NEK11: variants seen among roughly 807,000 people sequenced by gnomAD.
NEK11 encodes NIMA related kinase 11.
A neutral mutation model predicts 80.7 loss-of-function variants in NEK11; 72 were observed. The observed-to-expected ratio is 0.89, with a 90% confidence interval of 0.74 to 1.08. NEK11 has a LOEUF of 1.08. Among genes scored for constraint, NEK11 ranks in the 50% least tolerant of loss-of-function variants. The probability of loss-of-function intolerance (pLI) is 0.00; values close to 1 mark genes in which losing one functional copy is unlikely to be tolerated. For synonymous variants in NEK11, 251 were observed against 260.7 expected, an observed-to-expected ratio of 0.96 and a Z score of 0.36; for missense variants, 764 against 763.6, an observed-to-expected ratio of 1.00 and a Z score of -0.01.
At chr3:131,153,534 A>T (rs1338181759) in intron 9 of NEK11, among the ~76,000 whole-genome samples, 1 of 152,128 alleles carries the variant, frequency 6.6e-6, no homozygotes, top group African/African-American at 2.4e-5. Context: ...AGGGTTTTAC[A>T]ATACAGGTCC....
intron 3 of NEK11, chr3:131,053,819 G>C (rs1298519609): frequency 6.6e-6 from 1 of 152,104 alleles, no homozygotes; most frequent in Non-Finnish European, 1.5e-5. Flanking sequence ...GTGTAACACA[G>C]GACAACAAAA....
intron 17 of NEK11, among the ~76,000 whole-genome samples, chr3:131,326,864 A>C (rs1474281400): frequency 6.6e-6 from 1 of 152,216 alleles, no homozygotes; most frequent in African/African-American, 2.4e-5. Context: ...AAGAGATGAG[A>C]TTTTGGGAAA....
At chr3:131,211,440 T>C (rs1560993277) in intron 14 of NEK11, among the ~76,000 whole-genome samples, 2 of 152,230 alleles carry the variant, frequency 1.3e-5, no homozygotes, top group Non-Finnish European at 2.9e-5. Context: ...CTGACAATTA[T>C]GTGTCTTGGG....
At chr3:131,247,276 A>G (rs1414651042) in intron 16 of NEK11, among the ~76,000 whole-genome samples, 1 of 152,098 alleles carries the variant, frequency 6.6e-6, no homozygotes, top group Admixed American at 6.6e-5. Flanking sequence ...TCTTTGATCC[A>G]TCTTCAGTTG....
At chr3:131,096,544 A>G (rs927315571) in intron 4 of NEK11, among the ~76,000 whole-genome samples, 1 of 152,126 alleles carries the variant, frequency 6.6e-6, no homozygotes, top group Non-Finnish European at 1.5e-5. Flanking sequence ...GTATATTCAC[A>G]GTAATGAGAT....
intron 14 of NEK11, among the ~76,000 whole-genome samples, chr3:131,210,577 A>G (rs1268759487): frequency 6.6e-6 from 1 of 152,164 alleles, no homozygotes. Flanking sequence ...GTGGGGTGTT[A>G]AAGTCTCCCA....
chr3:131,210,059 C>A (rs930315784), intron 14 of NEK11, among the ~76,000 whole-genome samples: 1 of 152,124 alleles, frequency 6.6e-6, no homozygotes, highest in Non-Finnish European at 1.5e-5. Context: ...TTCTCTAGTT[C>A]TTTTAATTGT....
At chr3:131,315,347 C>T (rs1186854557) in intron 17 of NEK11, among the ~76,000 whole-genome samples, 1 of 151,982 alleles carries the variant, frequency 6.6e-6, no homozygotes, top group Non-Finnish European at 1.5e-5. Context: ...TTTTTAGATT[C>T]CGATCATGCA....
At chr3:131,246,801 G>A (rs2095609643) in intron 16 of NEK11, among the ~76,000 whole-genome samples, 1 of 151,942 alleles carries the variant, frequency 6.6e-6, no homozygotes, top group Admixed American at 6.6e-5. Context: ...TAAAATTATG[G>A]CCATTTTTGC....
At chr3:131,203,003 T>C (rs1580097659) in intron 14 of NEK11, among the ~76,000 whole-genome samples, 1 of 54,272 alleles carries the variant, frequency 1.8e-5, no homozygotes, top group African/African-American at 3.3e-5. Flanking sequence ...AGTTCAACCA[T>C]TGTGGAAGGC....
intron 14 of NEK11, among the ~76,000 whole-genome samples, chr3:131,216,921 T>C (rs900075392): frequency 2.0e-5 from 3 of 152,178 alleles, no homozygotes; most frequent in Non-Finnish European, 4.4e-5. Flanking sequence ...ATTTGGCATG[T>C]GGAGTAACAG....
At chr3:131,152,106 A>T (rs1295821590) in intron 7 of NEK11, among the ~76,000 whole-genome samples, 2 of 152,138 alleles carry the variant, frequency 1.3e-5, no homozygotes, top group African/African-American at 2.4e-5. Context: ...AATTCTTACT[A>T]TGTGCAGGCA....
chr3:131,094,657 A>G (rs1475092363), intron 4 of NEK11, among the ~76,000 whole-genome samples: 1 of 152,210 alleles, frequency 6.6e-6, no homozygotes, highest in East Asian at 1.9e-4. Context: ...CTACTGTTAT[A>G]TCAGCAACCT....
At chr3:131,105,463 C>T (rs2079041243) in intron 4 of NEK11, among the ~76,000 whole-genome samples, 1 of 152,158 alleles carries the variant, frequency 6.6e-6, no homozygotes, top group East Asian at 1.9e-4. Flanking sequence ...AGTCCATTCT[C>T]AATGAAGAAA....
At chr3:131,081,091 T>G (rs1237259963) in intron 4 of NEK11, among the ~76,000 whole-genome samples, 1 of 152,124 alleles carries the variant, frequency 6.6e-6, no homozygotes, top group Non-Finnish European at 1.5e-5. Flanking sequence ...GCCTGGGCGA[T>G]AGAGTGAGAC....
rs1475674435 is a variant in NEK11 at position 131,176,611 on chromosome 3, TACG to T, written c.1399+5727_1399+5729del. 5.9e-5 allele frequency among the ~76,000 whole-genome samples: 9 copies of T among 152,292 alleles called. No homozygotes were observed. In the East Asian group the frequency reaches 1.7e-3, roughly 29 times the overall value. On this transcript the variant is annotated intron_variant, in intron 14 of 17. Transcript: ENST00000383366. ...TTAATAATTTAGAGTGTTCCTTCTG[TACG>T]ACAAGTCACTAACTAAAATTTCAAA... is the stretch of plus-strand genomic sequence containing the variant.
At chr3:131,236,698 A>G (rs1340593742) in intron 15 of NEK11, among the ~76,000 whole-genome samples, 1 of 152,140 alleles carries the variant, frequency 6.6e-6, no homozygotes, top group Non-Finnish European at 1.5e-5. Context: ...CTGTGTTCCT[A>G]TCACCGCACA....
At chr3:131,177,790 C>T (rs1439058125) in intron 14 of NEK11, among the ~76,000 whole-genome samples, 3 of 152,170 alleles carry the variant, frequency 2.0e-5, no homozygotes, top group African/African-American at 4.8e-5. Flanking sequence ...ATTACAGACA[C>T]AGGATGAACA....
chr3:131,045,022 A>G (rs1250034855), intron 3 of NEK11, among the ~76,000 whole-genome samples: 1 of 152,176 alleles, frequency 6.6e-6, no homozygotes, highest in Non-Finnish European at 1.5e-5. Context: ...CTGAATGACT[A>G]CTGGGTAAAT....
Sources: allele counts gnomAD v4.1 joint callset (sites outside exome capture counted in the v4.1 genomes callset), GRCh38; gene constraint gnomAD v4.1.1; transcripts MANE v1.5; gene names NCBI Gene and HGNC (gene_info 2026-07-23, HGNC 2026-07-21).